PHKB: variants seen among roughly 807,000 people sequenced by gnomAD.
PHKB encodes the protein phosphorylase b kinase regulatory subunit beta.
A neutral mutation model predicts 152.1 loss-of-function variants in PHKB; 122 were observed. That is an observed-to-expected ratio of 0.80 (90% CI 0.69 to 0.93). PHKB has a LOEUF of 0.93. PHKB is among the 40% of genes least tolerant of loss of function. The pLI is 0.00. For missense variants in PHKB, 1,304 were observed against 1,328.4 expected (o/e 0.98, Z 0.29); for synonymous variants, 436 against 464.9 (o/e 0.94, Z 0.80).
intron 10 of PHKB, among the ~76,000 whole-genome samples, chr16:47,591,929 T>G (rs1158909626): frequency 6.6e-6 from 1 of 152,176 alleles, no homozygotes; most frequent in African/African-American, 2.4e-5. Flanking sequence ...ACTCCCTGGT[T>G]TAGGCTAGTG....
intron 20 of PHKB, among the ~76,000 whole-genome samples, chr16:47,656,123 T>C (rs1216112035): frequency 6.6e-6 from 1 of 152,034 alleles, no homozygotes; most frequent in Non-Finnish European, 1.5e-5. Flanking sequence ...TTCAAGCGAT[T>C]CTCCTGCCTC....
intron 30 of PHKB, 130 bp downstream of exon 30, chr16:47,698,718 A>G: frequency 1.3e-6 from 1 of 767,440 alleles, no homozygotes; most frequent in Non-Finnish European, 2.0e-6. Context: ...AGGATACTTG[A>G]GGGGCAGTCT....
At chr16:47,559,479 G>A (rs1156848981) in intron 7 of PHKB, among the ~76,000 whole-genome samples, 1 of 152,162 alleles carries the variant, frequency 6.6e-6, no homozygotes, top group Non-Finnish European at 1.5e-5. Context: ...ACTGGGTTAA[G>A]CTAGGCAGTT....
chr16:47,563,871 C>G (rs1971518295), intron 7 of PHKB, among the ~76,000 whole-genome samples: 1 of 152,026 alleles, frequency 6.6e-6, no homozygotes, highest in South Asian at 2.1e-4. Context: ...CTTTGTGTAC[C>G]CTTCATTTAG....
intron 7 of PHKB, chr16:47,565,602 G>T (rs1482921513): frequency 1.9e-5 from 20 of 1,058,522 alleles, no homozygotes; most frequent in Non-Finnish European, 4.4e-6. Context: ...TCTCCCTCGT[G>T]CATTTCTGCC....
intron 7 of PHKB, among the ~76,000 whole-genome samples, chr16:47,575,412 C>T (rs924598027): frequency 7.2e-5 from 11 of 152,246 alleles, no homozygotes; most frequent in South Asian, 2.1e-4. Flanking sequence ...ATATGTTTAT[C>T]GCAGCATAAT....
At chr16:47,601,641 G>C (rs1453764742) in intron 13 of PHKB, among the ~76,000 whole-genome samples, 2 of 151,508 alleles carry the variant, frequency 1.3e-5, no homozygotes, top group African/African-American at 2.4e-5. Context: ...GGAGGCGGAG[G>C]TTGCAGTGAG....
intron 23 of PHKB, 50 bp downstream of exon 23, chr16:47,661,850 G>T: frequency 1.8e-6 from 2 of 1,107,218 alleles, no homozygotes; most frequent in African/African-American, 1.5e-5. Flanking sequence ...CTCTAGCCTT[G>T]AACATATATC....
intron 6 of PHKB, among the ~76,000 whole-genome samples, chr16:47,526,407 TAA>T (rs879298170): frequency 1.4e-5 from 2 of 140,326 alleles, no homozygotes. Context: ...GAGATTCTTC[TAA>T]AAAAAAAAAA....
At chr16:47,483,239 G>A (rs78784381) in intron 1 of PHKB, among the ~76,000 whole-genome samples, 89 of 151,454 alleles carry the variant, frequency 5.9e-4, no homozygotes, top group African/African-American at 2.0e-3. Flanking sequence ...GTAGAGACGC[G>A]GTTTCACTAT....
At chr16:47,499,116 G>C (rs1477643884) in intron 2 of PHKB, among the ~76,000 whole-genome samples, 1 of 152,122 alleles carries the variant, frequency 6.6e-6, no homozygotes, top group East Asian at 1.9e-4. Flanking sequence ...TTATTTACTT[G>C]CTGCTGTGTT....
At chr16:47,543,568 A>C (rs1027294326) in intron 6 of PHKB, among the ~76,000 whole-genome samples, 21 of 152,216 alleles carry the variant, frequency 1.4e-4, no homozygotes, top group Admixed American at 9.8e-4. Flanking sequence ...TAGTTTCAGA[A>C]GGCATGGTAC....
intron 6 of PHKB, among the ~76,000 whole-genome samples, chr16:47,532,840 C>A (rs1047031776): frequency 5.9e-5 from 9 of 152,248 alleles, no homozygotes; most frequent in African/African-American, 2.2e-4. Context: ...CTCTTTTAGC[C>A]CCACCATTTT....
At chr16:47,585,151 T>A (rs554409783) in intron 8 of PHKB, among the ~76,000 whole-genome samples, 2 of 152,234 alleles carry the variant, frequency 1.3e-5, no homozygotes, top group Non-Finnish European at 2.9e-5. Context: ...AAGTTTGAGC[T>A]GTCAGTCTTA....
Position 47,500,009 on chromosome 16 carries a change from A to C in PHKB, c.305+115A>C. ...CTGCTGCTGACTCACTGTGCGACCT[A>C]TGACTGCTCACATCCCTTTTTAGGC... On this transcript the variant is annotated intron_variant, in intron 3 of 30. Coordinates refer to ENST00000323584, the MANE Select transcript of PHKB (RefSeq NM_000293.3). The C allele has an allele frequency of 2.6e-6, 3 of 1,146,566 alleles. 1 individual carries two copies. The Admixed American group carries it at 5.1e-5, about 20-fold the overall frequency. 71.0% of individuals were successfully genotyped at this position (1,146,566 alleles called of 1,614,324 possible). A position where few individuals can be genotyped will look rare whatever the true frequency, so the allele number is the denominator to read the frequency against.
chr16:47,596,309 G>A, intron 12 of PHKB, 64 bp from the exon 13 acceptor site: 2 of 1,148,812 alleles, frequency 1.7e-6, no homozygotes, highest in Non-Finnish European at 2.6e-6. Flanking sequence ...ATCTTTATTA[G>A]TAGCATGAGA....
rs112268915 is a variant in PHKB at position 47,526,109 on chromosome 16, T to TA, written c.594+10516dup. 5.7e-4 allele frequency among the ~76,000 whole-genome samples: 87 copies of TA among 151,756 alleles called. 2 individuals are homozygous for TA. Among genetic ancestry groups the TA allele is most frequent in the African/African-American group, 1.9e-3 (77 of 41,364 alleles). On this transcript the variant is annotated intron_variant, in intron 6 of 30. Coordinates refer to ENST00000323584, the MANE Select transcript of PHKB (RefSeq NM_000293.3). ...TCTAACCAGGGCCTCAAAATTGGGT[T>TA]AAAAAAAATGACTAGGCCATCTGGG... is the stretch of plus-strand genomic sequence containing the variant.
intron 7 of PHKB, chr16:47,561,349 T>A (rs146277770): frequency 2.0e-5 from 3 of 152,358 alleles, no homozygotes; most frequent in Non-Finnish European, 4.4e-5. Flanking sequence ...TTAAAGAGGT[T>A]GCTCTGTTTT....
At chr16:47,496,687 A>C (rs1460791950) in intron 1 of PHKB, among the ~76,000 whole-genome samples, 1 of 152,242 alleles carries the variant, frequency 6.6e-6, no homozygotes, top group Non-Finnish European at 1.5e-5. Flanking sequence ...GCAGTTGAGA[A>C]AGTGCACTAG....
Sources: allele counts gnomAD v4.1 joint callset (sites outside exome capture counted in the v4.1 genomes callset), GRCh38; gene constraint gnomAD v4.1.1; transcripts MANE v1.5; gene names NCBI Gene and HGNC (gene_info 2026-07-23, HGNC 2026-07-21).